RALGPS1: variants seen among roughly 807,000 people sequenced by gnomAD.
RALGPS1 encodes the protein Ral GEF with PH domain and SH3 binding motif 1, also known as ras-specific guanine nucleotide-releasing factor RalGPS1.
In RALGPS1, 19 loss-of-function variants were observed where a neutral mutation model predicts 78.8. The observed-to-expected ratio is 0.24, with a 90% CI of 0.17 to 0.35. The LOEUF is 0.35. RALGPS1 is among the 10% of genes least tolerant of loss of function. The pLI is 1.00. For missense variants in RALGPS1, 454 were observed against 688.3 expected, an observed-to-expected ratio of 0.66 and a Z score of 3.81; for synonymous variants, 228 against 256.3, an observed-to-expected ratio of 0.89 and a Z score of 1.06.
intron 4 of RALGPS1, among the ~76,000 whole-genome samples, chr9:127,014,725 A>G (rs1202523944): frequency 6.6e-6 from 1 of 152,108 alleles, no homozygotes; most frequent in Non-Finnish European, 1.5e-5. Context: ...GACAGCCTTC[A>G]GTCCCTGTGC....
chr9:127,086,940 G>A (rs767139218), intron 8 of RALGPS1, among the ~76,000 whole-genome samples: 4 of 152,208 alleles, frequency 2.6e-5, no homozygotes, highest in African/African-American at 4.8e-5. Flanking sequence ...ATGGCTTGGC[G>A]TGGAGGGATG....
At chr9:127,061,965 A>G (rs2049251454) in intron 7 of RALGPS1, among the ~76,000 whole-genome samples, 1 of 152,214 alleles carries the variant, frequency 6.6e-6, no homozygotes, top group East Asian at 1.9e-4. Flanking sequence ...CATGGTTGGA[A>G]TAAAAAAATT....
chr9:126,925,064 T>C (rs968025461), intron 1 of RALGPS1, among the ~76,000 whole-genome samples: 1 of 150,958 alleles, frequency 6.6e-6, no homozygotes, highest in Non-Finnish European at 1.5e-5. Context: ...GAGGTGGAGG[T>C]TGCGGTGAGC....
At chr9:126,925,977 G>C (rs1418517216) in intron 1 of RALGPS1, among the ~76,000 whole-genome samples, 2 of 152,246 alleles carry the variant, frequency 1.3e-5, no homozygotes, top group Non-Finnish European at 2.9e-5. Flanking sequence ...GGAGAGACCA[G>C]TGTTCATGTT....
At chr9:127,076,166 C>T (rs919957250) in intron 8 of RALGPS1, among the ~76,000 whole-genome samples, 2 of 152,172 alleles carry the variant, frequency 1.3e-5, no homozygotes, top group African/African-American at 2.4e-5. Flanking sequence ...TGCAAATACC[C>T]GGTTAGATTG....
At chr9:126,956,801 A>C (rs2038387210) in intron 1 of RALGPS1, among the ~76,000 whole-genome samples, 1 of 152,220 alleles carries the variant, frequency 6.6e-6, no homozygotes, top group Admixed American at 6.5e-5. Context: ...AAATGAATAG[A>C]AAATTGTATG....
Position 127,119,059 on chromosome 9 carries a change from C to G in RALGPS1, c.611-47010C>G, listed in dbSNP as rs76412114. ...CCAGTGTTTCCCTGAGGCTCTGCCCCCACTGAGCTGGGGACAGAGTTTCCT... is the reference window on the plus strand; with the variant it reads ...CCAGTGTTTCCCTGAGGCTCTGCCCGCACTGAGCTGGGGACAGAGTTTCCT... On this transcript the variant is annotated intron_variant, in intron 8 of 18. Transcript: ENST00000259351. Among the ~76,000 whole-genome samples, 29 of 152,222 alleles carry G rather than the reference C, an allele frequency of 1.9e-4. No homozygotes were observed. In the East Asian group the frequency reaches 4.3e-3, roughly 22 times the overall value.
At chr9:127,198,922 T>C in intron 13 of RALGPS1, 93 bp from the exon 14 acceptor site, 5 of 1,130,008 alleles carry the variant, frequency 4.4e-6, no homozygotes, top group Non-Finnish European at 6.8e-6. Context: ...GTGGCACTTC[T>C]GTGAGCTCAG....
intron 8 of RALGPS1, 58 bp downstream of exon 8, chr9:127,069,414 T>C (rs565821122): frequency 4.0e-5 from 64 of 1,588,594 alleles, no homozygotes; most frequent in Non-Finnish European, 5.1e-5. Flanking sequence ...CCAAATAAGA[T>C]GTTTTTACAG....
At chr9:127,005,527 T>C (rs567934846) in intron 4 of RALGPS1, among the ~76,000 whole-genome samples, 1 of 152,168 alleles carries the variant, frequency 6.6e-6, no homozygotes, top group Non-Finnish European at 1.5e-5. Context: ...TGACAGCCTG[T>C]GGTTTCATCA....
chr9:127,013,847 C>G (rs899593464), intron 4 of RALGPS1, among the ~76,000 whole-genome samples: 4 of 152,328 alleles, frequency 2.6e-5, no homozygotes, highest in African/African-American at 7.2e-5. Context: ...AACCTACCTC[C>G]AGGCCTGTGC....
chr9:127,204,215 G>A (rs1369999370), intron 14 of RALGPS1, among the ~76,000 whole-genome samples: 1 of 152,134 alleles, frequency 6.6e-6, no homozygotes, highest in East Asian at 1.9e-4. Flanking sequence ...TTTCCAGGCT[G>A]GAGTGCAGTG....
At chr9:126,923,235 T>C (rs990379174) in intron 1 of RALGPS1, among the ~76,000 whole-genome samples, 1 of 152,212 alleles carries the variant, frequency 6.6e-6, no homozygotes, top group African/African-American at 2.4e-5. Flanking sequence ...TCCAGCCTTA[T>C]GTTGATTCTG....
intron 8 of RALGPS1, among the ~76,000 whole-genome samples, chr9:127,111,859 C>T (rs998582086): frequency 7.2e-5 from 11 of 152,332 alleles, no homozygotes; most frequent in Middle Eastern, 3.4e-3. Context: ...TAACTCTTAA[C>T]GATGACACAG....
chr9:127,121,085 ATTACT>A (rs1393410147), intron 8 of RALGPS1, among the ~76,000 whole-genome samples: 1 of 152,186 alleles, frequency 6.6e-6, no homozygotes, highest in Non-Finnish European at 1.5e-5. Context: ...CCATGGGCAC[ATTACT>A]TTACCTCAGT....
chr9:126,973,316 A>G (rs1368311486), intron 3 of RALGPS1, among the ~76,000 whole-genome samples: 4 of 152,286 alleles, frequency 2.6e-5, no homozygotes, highest in African/African-American at 9.6e-5. Context: ...TTAGCTCACT[A>G]GGTATGATCA....
At chr9:127,064,341 A>G (rs2049486369) in intron 7 of RALGPS1, among the ~76,000 whole-genome samples, 1 of 152,234 alleles carries the variant, frequency 6.6e-6, no homozygotes, top group African/African-American at 2.4e-5. Context: ...TTTGCAGTTT[A>G]TAGTTCTTGT....
rs1308667595 is a variant in RALGPS1 at position 127,212,095 on chromosome 9, C to T, written c.1248-36C>T. ...GTGAGAGGGTGCTTGACCTCAGCTC[C>T]TCCAGGGCGATGTCTGACTGGTAGT... On this transcript the variant is annotated intron_variant, in intron 14 of 18. Transcript: ENST00000259351. The surrounding 1 kb of genome is among the most constrained non-coding windows in gnomAD (Gnocchi z 6.0). 2 of 1,564,504 alleles carry T rather than the reference C, an allele frequency of 1.3e-6. No homozygotes were observed. Among genetic ancestry groups the T allele is most frequent in the African/African-American group, 1.4e-5 (1 of 73,690 alleles).
At chr9:127,097,673 C>T (rs1359580696) in intron 8 of RALGPS1, among the ~76,000 whole-genome samples, 1 of 152,188 alleles carries the variant, frequency 6.6e-6, no homozygotes, top group Non-Finnish European at 1.5e-5. Flanking sequence ...ATGAGAAATC[C>T]ACAACTGTAA....
Sources: allele counts gnomAD v4.1 joint callset (sites outside exome capture counted in the v4.1 genomes callset), GRCh38; gene constraint gnomAD v4.1.1; non-coding constraint Gnocchi (gnomAD v3.1); transcripts MANE v1.5; gene names NCBI Gene and HGNC (gene_info 2026-07-23, HGNC 2026-07-21).